The following PATJ variants were observed in gnomAD, a reference collection of about 807,000 sequenced individuals.
The protein encoded by PATJ is inaD-like protein.
PATJ carries 190 observed loss-of-function variants against 224.9 expected under a neutral mutation model. The observed-to-expected ratio is 0.84, with a 90% confidence interval of 0.75 to 0.95. The LOEUF (loss-of-function observed/expected upper bound fraction) is 0.95. Among genes scored for constraint, PATJ ranks in the 40% least tolerant of loss-of-function variants. PATJ has a pLI of 0.00. For missense variants in PATJ, 2,121 were observed against 2,270.3 expected (o/e 0.93, Z 1.34); for synonymous variants, 769 against 820.3 (o/e 0.94, Z 1.07).
At chr1:62,054,258 GA>G (rs1654160319) in intron 31 of PATJ, 2 of 314,950 alleles carry the variant, frequency 6.4e-6, no homozygotes, top group Admixed American at 3.6e-5. Flanking sequence ...AGCTACTCAA[GA>G]GGCTGAAGTG....
intron 20 of PATJ, among the ~76,000 whole-genome samples, chr1:61,868,746 G>A (rs373890321): frequency 6.6e-6 from 1 of 151,904 alleles, no homozygotes; most frequent in Non-Finnish European, 1.5e-5. Flanking sequence ...CTGAGATTGC[G>A]CCACTGCACT....
chr1:61,996,206 C>A (rs749244013), intron 28 of PATJ, among the ~76,000 whole-genome samples: 1 of 152,106 alleles, frequency 6.6e-6, no homozygotes. Context: ...AGACATAGAG[C>A]TACAGGTAAT....
At chr1:61,981,331 G>A (rs1271226575) in intron 27 of PATJ, among the ~76,000 whole-genome samples, 2 of 151,896 alleles carry the variant, frequency 1.3e-5, no homozygotes, top group African/African-American at 4.9e-5. Context: ...AGAAAACCTG[G>A]CTCAGAATCT....
chr1:61,765,262 A>T (rs1403535432), intron 3 of PATJ, among the ~76,000 whole-genome samples: 7 of 150,542 alleles, frequency 4.6e-5, no homozygotes, highest in Non-Finnish European at 8.9e-5. Context: ...TTTTGTTGAG[A>T]CAAGAGTCTC....
chr1:61,797,566 C>T (rs1651602401), intron 11 of PATJ, 138 bp downstream of exon 11: 2 of 700,236 alleles, frequency 2.9e-6, no homozygotes, highest in South Asian at 2.2e-5. Context: ...AATGAGTCAG[C>T]TCATTTGTTC....
intron 26 of PATJ, among the ~76,000 whole-genome samples, chr1:61,923,983 G>C (rs1674737457): frequency 6.6e-6 from 1 of 150,548 alleles, no homozygotes; most frequent in African/African-American, 2.4e-5. Flanking sequence ...AGCAGATCTT[G>C]AATGAGTCTC....
intron 17 of PATJ, among the ~76,000 whole-genome samples, chr1:61,853,930 C>T (rs944043201): frequency 6.6e-6 from 1 of 152,006 alleles, no homozygotes; most frequent in Non-Finnish European, 1.5e-5. Context: ...TCTCTTGACT[C>T]GGGGGTAGAA....
chr1:61,996,378 G>C (rs1486487858), intron 28 of PATJ, among the ~76,000 whole-genome samples: 1 of 152,176 alleles, frequency 6.6e-6, no homozygotes, highest in East Asian at 1.9e-4. Flanking sequence ...CTGACTTTCT[G>C]CTTGCTGCCA....
chr1:61,864,554 C>G lies in PATJ; in HGVS notation c.2756C>G (p.Ser919Cys). ...GTQWLHDNEP[S>C]ESQEARTGRT... ...CAGTGGTTGCATGATAATGAACCAT[C>G]CGAGTCTCAAGAGGCAAGAACCGGG... Residue 919 changes from serine to cysteine, a missense_variant, in exon 20 of 44, where the codon TCC (serine) becomes TGC (cysteine). Physicochemically the swap from Ser to Cys is moderately radical, Grantham distance 112. Coordinates refer to ENST00000642238, the MANE Select transcript of PATJ (RefSeq NM_001350145.3). 6.2e-7 allele frequency: 1 copy of G among 1,612,960 alleles called. No homozygotes were observed. Among genetic ancestry groups the G allele is most frequent in the Non-Finnish European group, 8.5e-7 (1 of 1,179,574 alleles).
At chr1:62,149,482 G>A (rs1428303946) in intron 42 of PATJ, among the ~76,000 whole-genome samples, 1 of 151,912 alleles carries the variant, frequency 6.6e-6, no homozygotes, top group African/African-American at 2.4e-5. Flanking sequence ...TATTTTTCTT[G>A]AGGAAAGAAT....
chr1:61,852,994 T>C (rs1663081616), intron 17 of PATJ, among the ~76,000 whole-genome samples: 1 of 152,206 alleles, frequency 6.6e-6, no homozygotes, highest in Non-Finnish European at 1.5e-5. Context: ...GTAGCTAGTT[T>C]GTCCCCTCCC....
intron 3 of PATJ, among the ~76,000 whole-genome samples, chr1:61,763,830 A>G (rs1167905503): frequency 6.6e-6 from 1 of 151,474 alleles, no homozygotes; most frequent in Non-Finnish European, 1.5e-5. Flanking sequence ...GCTAATTTTT[A>G]AAAATTTTAT....
intron 1 of PATJ, among the ~76,000 whole-genome samples, chr1:61,758,875 C>T (rs750635781): frequency 1.3e-5 from 2 of 152,130 alleles, no homozygotes; most frequent in African/African-American, 2.4e-5. Flanking sequence ...ACCCTCTGGC[C>T]TCAGCCTCCA....
intron 34 of PATJ, among the ~76,000 whole-genome samples, chr1:62,109,628 G>C (rs761735335): frequency 6.6e-6 from 1 of 152,170 alleles, no homozygotes; most frequent in Non-Finnish European, 1.5e-5. Flanking sequence ...GGAGTTTGGG[G>C]TTTCTTTGTT....
intron 27 of PATJ, among the ~76,000 whole-genome samples, chr1:61,972,624 C>T (rs562572811): frequency 6.6e-6 from 1 of 152,052 alleles, no homozygotes; most frequent in African/African-American, 2.4e-5. Flanking sequence ...AAGACACTCT[C>T]TATAAGAAAT....
chr1:61,770,616 A>C (rs1381069453), intron 5 of PATJ, among the ~76,000 whole-genome samples: 1 of 152,094 alleles, frequency 6.6e-6, no homozygotes, highest in African/African-American at 2.4e-5. Context: ...CCTGGCTAGC[A>C]GTTGGGAGAT....
At position 61,771,420 on chromosome 1, in the gene PATJ, AC is replaced by A. The variant is rs746374164; in HGVS notation, c.525-10del. 9.1e-6 allele frequency: 14 copies of A among 1,531,668 alleles called. No homozygotes were observed. The African/African-American group carries it at 1.5e-4, about 17-fold the overall frequency. The allele number at this position is 1,531,668 out of a possible 1,614,324, so 94.9% of individuals were successfully genotyped here. On this transcript the variant is annotated splice_polypyrimidine_tract_variant and intron_variant, in intron 5 of 43. Coordinates refer to ENST00000642238, the MANE Select transcript of PATJ (RefSeq NM_001350145.3). ...GATCACTTAAAAAATTTCTTTTCTT[AC>A]ATGATTAAGGGATCAAAGATTAAAG...
chr1:61,831,266 G>A (rs1659275575), intron 16 of PATJ, among the ~76,000 whole-genome samples: 1 of 151,304 alleles, frequency 6.6e-6, no homozygotes, highest in South Asian at 2.1e-4. Context: ...TGTGGATATT[G>A]GCCTTGGCAA....
At chr1:62,021,791 A>T (rs1263560107) in intron 29 of PATJ, among the ~76,000 whole-genome samples, 1 of 152,180 alleles carries the variant, frequency 6.6e-6, no homozygotes, top group East Asian at 1.9e-4. Flanking sequence ...AGAAGTTAAA[A>T]TTCGATTCAT....
Sources: gnomAD v4.1 joint callset for allele counts (sites outside exome capture counted in the v4.1 genomes callset) on GRCh38, gnomAD v4.1.1 for gene constraint, MANE v1.5 for transcripts, NCBI Gene and HGNC (gene_info 2026-07-23, HGNC 2026-07-21) for gene names.